SHISA9: variants seen among roughly 807,000 people sequenced by gnomAD.
SHISA9 encodes shisa family member 9.
Under a neutral mutation model 38.0 loss-of-function variants are expected in SHISA9, and 13 were observed. That is an observed-to-expected ratio of 0.34 (90% confidence interval 0.22 to 0.54). The LOEUF is 0.54. SHISA9 is among the 20% of genes least tolerant of loss of function. The pLI, the probability that SHISA9 is intolerant of heterozygous loss-of-function variation, is 0.91. For missense variants in SHISA9, 538 were observed against 575.8 expected, an observed-to-expected ratio of 0.93 and a Z score of 0.67; for synonymous variants, 275 against 242.0, an observed-to-expected ratio of 1.14 and a Z score of -1.27.
chr16:13,231,129 G>A, intron 4 of SHISA9, among the ~76,000 whole-genome samples: 1 of 152,160 alleles, frequency 6.6e-6, no homozygotes, highest in East Asian at 1.9e-4. Context: ...GGGTTGCTCT[G>A]GTTCACATGC....
intron 2 of SHISA9, among the ~76,000 whole-genome samples, chr16:13,150,791 A>C (rs2050492468): frequency 6.6e-6 from 1 of 152,210 alleles, no homozygotes; most frequent in Non-Finnish European, 1.5e-5. Context: ...TGATTTACTT[A>C]GTTGGGATTC....
At chr16:13,517,098 A>G in the SHISA9 span, among the ~76,000 whole-genome samples, 3 of 152,210 alleles carry the variant, frequency 2.0e-5, no homozygotes, top group Non-Finnish European at 2.9e-5. Flanking sequence ...CCTTAAATCC[A>G]GTAGCTGGTA....
the SHISA9 span, among the ~76,000 whole-genome samples, chr16:13,351,477 A>G: frequency 3.3e-5 from 5 of 152,312 alleles, no homozygotes; most frequent in East Asian, 9.6e-4. Context: ...AGGAGGTTGA[A>G]CATGCAAAGG....
At chr16:13,129,122 A>C (rs1037691879) in intron 2 of SHISA9, among the ~76,000 whole-genome samples, 6 of 152,222 alleles carry the variant, frequency 3.9e-5, no homozygotes, top group African/African-American at 1.4e-4. Flanking sequence ...AAGAAGAGTG[A>C]ATAAGAAGAC....
Position 13,200,885 on chromosome 16 carries a change from G to C in SHISA9, c.692-2509G>C, listed in dbSNP as rs180892708. Among the ~76,000 whole-genome samples, 299 of 135,614 alleles carry C rather than the reference G, an allele frequency of 2.2e-3. 70 individuals are homozygous for C. Among genetic ancestry groups the C allele is most frequent in the African/African-American group, 8.2e-3 (285 of 34,630 alleles). 89.0% of individuals were successfully genotyped at this position (135,614 alleles called of 152,430 possible). A position where few individuals can be genotyped will look rare whatever the true frequency, so the allele number is the denominator to read the frequency against. ...TGCCTCAGCTAGGGTATCTCTGCCT[G>C]TTTCCATTTGGGTTTGTTGGTTTCT... is the stretch of plus-strand genomic sequence containing the variant. On this transcript the variant is annotated intron_variant, in intron 2 of 4. Transcript: ENST00000558583.
intron 2 of SHISA9, among the ~76,000 whole-genome samples, chr16:13,178,506 G>A (rs1038587273): frequency 4.6e-5 from 7 of 152,038 alleles, no homozygotes; most frequent in African/African-American, 1.4e-4. Context: ...GCTGGTGCCC[G>A]CCCACGACTG....
chr16:12,947,659 A>G (rs898793505), intron 2 of SHISA9, among the ~76,000 whole-genome samples: 2 of 152,282 alleles, frequency 1.3e-5, no homozygotes, highest in Non-Finnish European at 2.9e-5. Context: ...TCAAAGGAGA[A>G]TTCAGTTTTA....
At chr16:12,934,383 G>C (rs2071501821) in intron 2 of SHISA9, among the ~76,000 whole-genome samples, 1 of 152,158 alleles carries the variant, frequency 6.6e-6, no homozygotes, top group Middle Eastern at 3.2e-3. Flanking sequence ...TTCAAAATTA[G>C]AGTTCCTTGG....
chr16:13,205,664 C>T (rs536406815), intron 3 of SHISA9, among the ~76,000 whole-genome samples: 9 of 152,328 alleles, frequency 5.9e-5, no homozygotes, highest in Admixed American at 5.2e-4. Flanking sequence ...CACCTCCCTT[C>T]TCCAGAGCTC....
At chr16:13,555,784 G>C in the SHISA9 span, among the ~76,000 whole-genome samples, 8 of 151,994 alleles carry the variant, frequency 5.3e-5, no homozygotes, top group African/African-American at 1.4e-4. Context: ...TACTTAGATG[G>C]AGGGAAGTGG....
chr16:13,298,875 G>T, the SHISA9 span, among the ~76,000 whole-genome samples: 1 of 152,198 alleles, frequency 6.6e-6, no homozygotes, highest in Non-Finnish European at 1.5e-5. Flanking sequence ...GGCTTGGTTA[G>T]TCAGAAGGGC....
the SHISA9 span, among the ~76,000 whole-genome samples, chr16:13,251,126 GAT>G: frequency 2.6e-5 from 4 of 152,296 alleles, no homozygotes; most frequent in Non-Finnish European, 5.9e-5. Flanking sequence ...TAAAACAGCA[GAT>G]GGAAAAGCTC....
the SHISA9 span, among the ~76,000 whole-genome samples, chr16:13,294,380 A>G: frequency 2.0e-5 from 3 of 152,220 alleles, no homozygotes; most frequent in Admixed American, 6.5e-5. Context: ...ATAGCTGAAG[A>G]AGCCCTGCTT....
At chr16:13,532,617 A>G in the SHISA9 span, among the ~76,000 whole-genome samples, 1 of 151,438 alleles carries the variant, frequency 6.6e-6, no homozygotes, top group Non-Finnish European at 1.5e-5. Context: ...ATCCTCTGAG[A>G]GCAGTTATTG....
chr16:13,111,614 T>C (rs890986673), intron 2 of SHISA9, among the ~76,000 whole-genome samples: 4 of 152,214 alleles, frequency 2.6e-5, no homozygotes, highest in Admixed American at 2.0e-4. Context: ...TCATTACTAT[T>C]AGTTTGAAAT....
the SHISA9 span, among the ~76,000 whole-genome samples, chr16:13,278,104 T>G: frequency 1.3e-5 from 2 of 152,142 alleles, no homozygotes; most frequent in African/African-American, 4.8e-5. Context: ...ATGCCGATTT[T>G]TCTGAGAGTT....
the SHISA9 span, among the ~76,000 whole-genome samples, chr16:13,482,816 A>AAAAG: frequency 1.3e-4 from 19 of 148,982 alleles, no homozygotes; most frequent in South Asian, 2.1e-4. Context: ...AAAAAAAAAA[A>AAAAG]AGAGAGAGAG....
intron 4 of SHISA9, among the ~76,000 whole-genome samples, chr16:13,230,679 T>A (rs1037641473): frequency 6.6e-6 from 1 of 151,906 alleles, no homozygotes; most frequent in African/African-American, 2.4e-5. Flanking sequence ...TCAGGGCGAG[T>A]CCATAGAGTA....
Position 13,189,217 on chromosome 16 carries a change from G to A in SHISA9, c.692-14177G>A, listed in dbSNP as rs540921910. On this transcript the variant is annotated intron_variant, in intron 2 of 4. Transcript: ENST00000558583. ...TTACCTTAGCAGATGAATACAGGGA[G>A]CTACAGGGGTATTTAGTGAGGGGAT... 2.1e-3 allele frequency among the ~76,000 whole-genome samples: 324 copies of A among 152,324 alleles called. 1 individual carries two copies. Among genetic ancestry groups the A allele is most frequent in the African/African-American group, 7.1e-3 (297 of 41,570 alleles).
Sources: allele counts gnomAD v4.1 joint callset (sites outside exome capture counted in the v4.1 genomes callset), GRCh38; gene constraint gnomAD v4.1.1; transcripts MANE v1.5; gene names NCBI Gene and HGNC (gene_info 2026-07-23, HGNC 2026-07-21).